Variants in PITPNC1 observed in about 807,000 individuals in gnomAD.
PITPNC1 encodes the protein cytoplasmic phosphatidylinositol transfer protein 1.
PITPNC1 carries 18 observed loss-of-function variants against 44.7 expected under a neutral mutation model. The ratio of observed to expected loss-of-function variants is 0.40; its 90% CI spans 0.28 to 0.60. PITPNC1 has a LOEUF of 0.60. PITPNC1 is among the 20% of genes least tolerant of loss of function. PITPNC1 has a pLI of 0.39. For synonymous variants in PITPNC1, 141 were observed against 149.6 expected (o/e 0.94, Z 0.42); for missense variants, 290 against 418.4 (o/e 0.69, Z 2.68).
chr17:67,425,294 A>G (rs950965586), intron 1 of PITPNC1, among the ~76,000 whole-genome samples: 25 of 150,462 alleles, frequency 1.7e-4, no homozygotes, highest in Non-Finnish European at 3.7e-4. Context: ...TGACCTCTCT[A>G]GAGAAAGAAG....
At chr17:67,586,966 C>T (rs530438371) in intron 5 of PITPNC1, among the ~76,000 whole-genome samples, 1 of 152,188 alleles carries the variant, frequency 6.6e-6, no homozygotes, top group Admixed American at 6.6e-5. Flanking sequence ...ATTTTGAAAA[C>T]AGAGTGACTT....
intron 2 of PITPNC1, among the ~76,000 whole-genome samples, chr17:67,548,669 G>A (rs1006490168): frequency 1.3e-5 from 2 of 152,114 alleles, no homozygotes; most frequent in African/African-American, 4.8e-5. Flanking sequence ...GGCATCTGGG[G>A]GAATATGATG....
intron 1 of PITPNC1, among the ~76,000 whole-genome samples, chr17:67,394,964 G>A (rs2038195625): frequency 6.6e-6 from 1 of 152,014 alleles, no homozygotes; most frequent in Admixed American, 6.6e-5. Context: ...GGGAGGATGA[G>A]GTAGGAGGAT....
chr17:67,645,447 G>C (rs922831542), intron 6 of PITPNC1, among the ~76,000 whole-genome samples: 1 of 152,040 alleles, frequency 6.6e-6, no homozygotes, highest in Non-Finnish European at 1.5e-5. Context: ...GGCCCAGTCT[G>C]TTACTCAAGG....
At chr17:67,408,873 G>A (rs1034921117) in intron 1 of PITPNC1, 2 of 151,964 alleles carry the variant, frequency 1.3e-5, no homozygotes, top group African/African-American at 4.8e-5. Context: ...CACTACGTTT[G>A]GACCAGCCTT....
intron 1 of PITPNC1, among the ~76,000 whole-genome samples, chr17:67,405,205 C>T (rs1482917040): frequency 1.3e-5 from 2 of 151,906 alleles, no homozygotes; most frequent in Non-Finnish European, 2.9e-5. Flanking sequence ...CAAGATCGTG[C>T]CACTGCATTC....
At chr17:67,536,191 A>C (rs1414591984) in intron 2 of PITPNC1, among the ~76,000 whole-genome samples, 3 of 152,244 alleles carry the variant, frequency 2.0e-5, no homozygotes, top group African/African-American at 7.2e-5. Context: ...ATGGGAGGGT[A>C]ATAATTACAG....
chr17:67,680,653 T>G (rs1319008727), intron 8 of PITPNC1, among the ~76,000 whole-genome samples: 1 of 151,852 alleles, frequency 6.6e-6, no homozygotes, highest in Non-Finnish European at 1.5e-5. Flanking sequence ...ATCTTAGTGG[T>G]CTGAATTATG....
chr17:67,478,802 A>G (rs1224803896), intron 1 of PITPNC1, among the ~76,000 whole-genome samples: 1 of 152,132 alleles, frequency 6.6e-6, no homozygotes, highest in African/African-American at 2.4e-5. Flanking sequence ...AGTTGCCACT[A>G]GCAAGAAGAC....
intron 1 of PITPNC1, among the ~76,000 whole-genome samples, chr17:67,394,496 G>T (rs966690086): frequency 2.6e-5 from 4 of 152,194 alleles, no homozygotes; most frequent in African/African-American, 7.2e-5. Flanking sequence ...ACTGCTACTT[G>T]AAAGTGGCAG....
intron 1 of PITPNC1, among the ~76,000 whole-genome samples, chr17:67,484,304 C>G (rs578049074): frequency 6.6e-6 from 1 of 152,260 alleles, no homozygotes; most frequent in Non-Finnish European, 1.5e-5. Context: ...GGTTCCTACT[C>G]TCTAACTTTG....
At chr17:67,545,778 C>T (rs6504516) in intron 2 of PITPNC1, among the ~76,000 whole-genome samples, 14,801 of 151,922 alleles carry the variant, frequency 0.097, 710 homozygotes, top group Non-Finnish European at 0.11. Context: ...CATACACAGA[C>T]GGAGAGACAG....
chr17:67,596,020 T>C (rs2041455586), intron 5 of PITPNC1, among the ~76,000 whole-genome samples: 1 of 152,238 alleles, frequency 6.6e-6, no homozygotes, highest in Non-Finnish European at 1.5e-5. Context: ...AACCAAATAA[T>C]TGACCATTTG....
At chr17:67,523,903 C>T (rs1196415839) in intron 1 of PITPNC1, among the ~76,000 whole-genome samples, 1 of 151,344 alleles carries the variant, frequency 6.6e-6, no homozygotes, top group Non-Finnish European at 1.5e-5. Context: ...CCTCCGCCTC[C>T]CGGGTTCAAG....
At chr17:67,487,142 AT>A (rs1161241171) in intron 1 of PITPNC1, among the ~76,000 whole-genome samples, 2 of 152,262 alleles carry the variant, frequency 1.3e-5, no homozygotes, top group Admixed American at 1.3e-4. Context: ...AAATCACACC[AT>A]TTTTATGTTA....
At chr17:67,440,847 C>G (rs1452926161) in intron 1 of PITPNC1, among the ~76,000 whole-genome samples, 11 of 152,086 alleles carry the variant, frequency 7.2e-5, no homozygotes, top group Non-Finnish European at 1.5e-4. Context: ...CACGCCTAAC[C>G]TCTTGCAGGA....
intron 1 of PITPNC1, among the ~76,000 whole-genome samples, chr17:67,519,885 A>G (rs1299450194): frequency 6.6e-6 from 1 of 152,226 alleles, no homozygotes; most frequent in Non-Finnish European, 1.5e-5. Flanking sequence ...TAAGCAAAGG[A>G]GTCCAGTGAC....
chr17:67,527,671 A>T (rs914146773), intron 1 of PITPNC1, among the ~76,000 whole-genome samples: 14 of 152,002 alleles, frequency 9.2e-5, no homozygotes, highest in African/African-American at 2.4e-4. Context: ...ACTGCACTCC[A>T]GCCTGGGAGA....
At chr17:67,389,067 G>A (rs549115693) in intron 1 of PITPNC1, among the ~76,000 whole-genome samples, 1 of 152,334 alleles carries the variant, frequency 6.6e-6, no homozygotes, top group East Asian at 1.9e-4. Context: ...CGTCAGTCAG[G>A]CTGCCTTTCT....
Sources: allele counts gnomAD v4.1 joint callset (sites outside exome capture counted in the v4.1 genomes callset), GRCh38; gene constraint gnomAD v4.1.1; transcripts MANE v1.5; gene names NCBI Gene and HGNC (gene_info 2026-07-23, HGNC 2026-07-21).